IGSF10: variants seen among roughly 807,000 people sequenced by gnomAD.
IGSF10 encodes immunoglobulin superfamily member 10, also known as calvaria mechanical force protein 608.
Under a neutral mutation model 128.2 loss-of-function variants are expected in IGSF10, and 126 were observed. That is an observed-to-expected ratio of 0.98 (90% CI 0.85 to 1.14). IGSF10 has a LOEUF of 1.14. IGSF10 is among the 50% of genes most tolerant of loss of function. IGSF10 has a pLI of 0.00. For missense variants in IGSF10, 3,295 were observed against 3,149.8 expected, an observed-to-expected ratio of 1.05 and a Z score of -1.10; for synonymous variants, 1,185 against 1,146.2, an observed-to-expected ratio of 1.03 and a Z score of -0.68.
At chr3:151,500,571 ATTCATT>A in the IGSF10 span, among the ~76,000 whole-genome samples, 1 of 152,150 alleles carries the variant, frequency 6.6e-6, no homozygotes. Flanking sequence ...AGCTTTTTAA[ATTCATT>A]TTCTTAGACA....
chr3:151,447,734 C>T lies in IGSF10; in HGVS notation c.2247G>A (p.Arg749=), dbSNP rs749879331. 4 of 1,614,118 alleles carry T rather than the reference C, an allele frequency of 2.5e-6. No individual in the cohort carries two copies. Among genetic ancestry groups the T allele is most frequent in the Non-Finnish European group, 3.4e-6 (4 of 1,180,030 alleles). ...CCGCCCAATGTTGTGGGTCAATTCTCCTAGCAGAGGGAGGGAAATGCCTCC... is the reference window on the plus strand; with the variant it reads ...CCGCCCAATGTTGTGGGTCAATTCTTCTAGCAGAGGGAGGGAAATGCCTCC... ...ENRRHFPPSA[R]RIDPQHWAAL... The change falls in exon 6 of 8, where the codon AGG becomes AGA. Residue 749 remains arginine, a synonymous_variant. Transcript: ENST00000282466.
chr3:151,606,124 T>A, the IGSF10 span, among the ~76,000 whole-genome samples: 1 of 152,218 alleles, frequency 6.6e-6, no homozygotes. Context: ...TGTCACTAAG[T>A]TCTGCCACCT....
chr3:151,570,692 C>A, the IGSF10 span, among the ~76,000 whole-genome samples: 1 of 152,162 alleles, frequency 6.6e-6, no homozygotes, highest in East Asian at 1.9e-4. Flanking sequence ...GTTGCCTGTT[C>A]ACTCTGATGG....
chr3:151,556,922 G>C, the IGSF10 span, among the ~76,000 whole-genome samples: 1 of 152,148 alleles, frequency 6.6e-6, no homozygotes, highest in Non-Finnish European at 1.5e-5. Context: ...ACAAATGATC[G>C]TTGTAAAGTC....
In IGSF10 at chr3:151,436,487, A is replaced by AGTTT. The variant is rs1006026605; in HGVS notation, c.*198_*201dup. Reference sequence around the variant, plus strand: ...CAAAATAAAAGTGCCTTAAGTTAAAAGTTTGTTTTGAGATCCATTAAATAA... The same window carrying AGTTT: ...CAAAATAAAAGTGCCTTAAGTTAAAAGTTTGTTTGTTTTGAGATCCATTAAATAA... On this transcript the variant is annotated 3_prime_UTR_variant, in exon 8 of 8. Transcript: ENST00000282466. 1.3e-5 allele frequency: 6 copies of AGTTT among 445,292 alleles called. No individual in the cohort carries two copies. Among genetic ancestry groups the AGTTT allele is most frequent in the Admixed American group, 7.9e-5 (2 of 25,306 alleles). 27.6% of individuals were successfully genotyped at this position (445,292 alleles called of 1,614,324 possible).
At chr3:151,564,410 TTTCC>T in the IGSF10 span, among the ~76,000 whole-genome samples, 35 of 152,208 alleles carry the variant, frequency 2.3e-4, no homozygotes, top group Non-Finnish European at 3.8e-4. Flanking sequence ...TAAGAATTTA[TTTCC>T]TTCCTTCCTT....
the IGSF10 span, among the ~76,000 whole-genome samples, chr3:151,529,774 A>G: frequency 6.6e-6 from 1 of 152,156 alleles, no homozygotes; most frequent in Admixed American, 6.5e-5. Flanking sequence ...AAAAGGCTGA[A>G]AACTCCAAAA....
chr3:151,462,829 G>A (rs1722114427), upstream of IGSF10, among the ~76,000 whole-genome samples: 1 of 152,162 alleles, frequency 6.6e-6, no homozygotes, highest in East Asian at 1.9e-4. Context: ...TAGCTCTGCA[G>A]AGCTGACAAG....
the IGSF10 span, among the ~76,000 whole-genome samples, chr3:151,513,401 G>T: frequency 8.7e-4 from 133 of 152,130 alleles, no homozygotes; most frequent in South Asian, 0.012. Context: ...TGCAGAAAAG[G>T]CCTGACAAAA....
chr3:151,519,102 G>A, the IGSF10 span, among the ~76,000 whole-genome samples: 3 of 151,912 alleles, frequency 2.0e-5, no homozygotes, highest in Admixed American at 2.0e-4. Context: ...GTTTGTATTT[G>A]TATTAGTTAG....
the IGSF10 span, among the ~76,000 whole-genome samples, chr3:151,524,725 C>CA: frequency 6.6e-6 from 1 of 152,220 alleles, no homozygotes; most frequent in African/African-American, 2.4e-5. Context: ...ACCCCTGTGA[C>CA]ACGACTTTAC....
the IGSF10 span, among the ~76,000 whole-genome samples, chr3:151,509,793 C>G: frequency 2.4e-3 from 359 of 152,318 alleles, 2 homozygotes; most frequent in African/African-American, 8.2e-3. Flanking sequence ...TGCACTTTTC[C>G]AATGGGCTTA....
the IGSF10 span, among the ~76,000 whole-genome samples, chr3:151,492,124 T>C: frequency 6.6e-6 from 1 of 152,128 alleles, no homozygotes; most frequent in Admixed American, 6.5e-5. Context: ...AAAGAGTTAA[T>C]ATCCAAAATT....
At chr3:151,463,948 A>G (rs1388809721), upstream of IGSF10, among the ~76,000 whole-genome samples, 2 of 152,104 alleles carry the variant, frequency 1.3e-5, no homozygotes, top group Admixed American at 6.6e-5. Flanking sequence ...TAATAATGCA[A>G]TATGTTTCTA....
chr3:151,478,680 G>T, the IGSF10 span, among the ~76,000 whole-genome samples: 1 of 152,128 alleles, frequency 6.6e-6, no homozygotes, highest in African/African-American at 2.4e-5. Flanking sequence ...ATCATAAGAA[G>T]ACAATCAAAT....
chr3:151,587,432 T>C, the IGSF10 span, among the ~76,000 whole-genome samples: 2 of 152,230 alleles, frequency 1.3e-5, no homozygotes, highest in South Asian at 4.1e-4. Context: ...GGTGATGTTT[T>C]GATTTATTTT....
the IGSF10 span, among the ~76,000 whole-genome samples, chr3:151,503,504 A>T: frequency 6.6e-6 from 1 of 152,332 alleles, no homozygotes; most frequent in South Asian, 2.1e-4. Flanking sequence ...TAGCCTTAAC[A>T]GATTAGAGAC....
chr3:151,543,496 T>TGTGCCATGCC, the IGSF10 span, among the ~76,000 whole-genome samples: 2 of 152,266 alleles, frequency 1.3e-5, no homozygotes, highest in South Asian at 4.1e-4. Flanking sequence ...CGAGCAGTGT[T>TGTGCCATGCC]GTGCCATGCC....
chr3:151,585,170 T>G, the IGSF10 span, among the ~76,000 whole-genome samples: 1 of 152,174 alleles, frequency 6.6e-6, no homozygotes, highest in African/African-American at 2.4e-5. Context: ...TAATATAATT[T>G]GAAAGATTTA....
Sources: allele counts gnomAD v4.1 joint callset (sites outside exome capture counted in the v4.1 genomes callset), GRCh38; gene constraint gnomAD v4.1.1; transcripts MANE v1.5; gene names NCBI Gene and HGNC (gene_info 2026-07-23, HGNC 2026-07-21).